Variants in CASD1 observed in about 807,000 individuals in gnomAD.
CASD1 encodes N-acetylneuraminate (7)9-O-acetyltransferase.
In CASD1, 41 loss-of-function variants were observed where a neutral mutation model predicts 100.0. The observed-to-expected ratio is 0.41, with a 90% CI of 0.32 to 0.53. CASD1 has a LOEUF of 0.53. Ranked by LOEUF, CASD1 falls within the 20% of genes least tolerant of loss-of-function variation. The pLI is 0.25. For synonymous variants in CASD1, 321 were observed against 315.6 expected, an observed-to-expected ratio of 1.02 and a Z score of -0.18; for missense variants, 774 against 948.7, an observed-to-expected ratio of 0.82 and a Z score of 2.42.
the CASD1 span, among the ~76,000 whole-genome samples, chr7:94,571,634 A>G: frequency 6.6e-6 from 1 of 152,146 alleles, no homozygotes; most frequent in African/African-American, 2.4e-5. Flanking sequence ...AGAACTCACA[A>G]ATGGTAAACT....
At chr7:94,585,662 T>C in the CASD1 span, 7 of 647,330 alleles carry the variant, frequency 1.1e-5, no homozygotes, top group East Asian at 1.0e-4. Context: ...TCTCTGTATT[T>C]GGTTTTTTTA....
At chr7:94,547,037 T>C in intron 12 of CASD1, 59 bp from the exon 13 acceptor site, 1 of 1,063,536 alleles carries the variant, frequency 9.4e-7, no homozygotes, top group Non-Finnish European at 1.4e-6. Flanking sequence ...ATAGAGAGTA[T>C]TTAATATGTT....
chr7:94,579,231 A>C, the CASD1 span, among the ~76,000 whole-genome samples: 1 of 151,924 alleles, frequency 6.6e-6, no homozygotes, highest in African/African-American at 2.4e-5. Context: ...AAAAAAAAAA[A>C]AAAGGAAAGG....
At chr7:94,630,290 T>C in the CASD1 span, among the ~76,000 whole-genome samples, 2 of 151,890 alleles carry the variant, frequency 1.3e-5, no homozygotes, top group Non-Finnish European at 2.9e-5. Context: ...ATCCATACTA[T>C]ACTAATTGTT....
At position 94,537,667 on chromosome 7, in the gene CASD1, T is replaced by C; in HGVS notation, c.1039T>C (p.Leu347=). 1 of 1,613,786 alleles carries C rather than the reference T, an allele frequency of 6.2e-7. No individual in the cohort carries two copies. Among genetic ancestry groups the C allele is most frequent in the African/African-American group, 1.3e-5 (1 of 75,034 alleles). The change falls in exon 9 of 18, where the codon TTG becomes CTG. Residue 347 remains leucine (L), a synonymous_variant. Transcript: ENST00000297273. ...TCGGAAGAATAAGCCGTGTACTGAT[T>C]TGGAAAGTGGAGAGGAAAAGAAAAA... ...AHRKNKPCTD[L]ESGEEKKNII...
the CASD1 span, among the ~76,000 whole-genome samples, chr7:94,615,184 C>T: frequency 6.6e-6 from 1 of 150,836 alleles, no homozygotes. Context: ...CATGGTGAAA[C>T]CCCATCTCTA....
At chr7:94,557,658 C>G (rs1419662042), downstream of CASD1, among the ~76,000 whole-genome samples, 1 of 152,000 alleles carries the variant, frequency 6.6e-6, no homozygotes, top group Non-Finnish European at 1.5e-5. Context: ...ATGCTTTTCT[C>G]TCCTATTTGA....
the CASD1 span, among the ~76,000 whole-genome samples, chr7:94,601,443 CAAAAAAAAA>C: frequency 1.4e-3 from 127 of 89,314 alleles, no homozygotes; most frequent in African/African-American, 1.8e-3. Context: ...ATCCCAGTAT[CAAAAAAAAA>C]AAAAAAAAAA....
At chr7:94,599,056 T>C in the CASD1 span, 1 of 916,288 alleles carries the variant, frequency 1.1e-6, no homozygotes, top group Non-Finnish European at 1.7e-6. Context: ...TATTTTTATC[T>C]TTTAAAATAA....
At chr7:94,611,498 G>C in the CASD1 span, among the ~76,000 whole-genome samples, 1 of 151,748 alleles carries the variant, frequency 6.6e-6, no homozygotes, top group Admixed American at 6.6e-5. Context: ...GGTGGGGGTG[G>C]GGGTGACTTC....
At chr7:94,566,398 T>G in the CASD1 span, among the ~76,000 whole-genome samples, 1 of 151,954 alleles carries the variant, frequency 6.6e-6, no homozygotes, top group Non-Finnish European at 1.5e-5. Flanking sequence ...GTGATTATAA[T>G]ACTTATAAAA....
chr7:94,612,167 T>A, the CASD1 span, among the ~76,000 whole-genome samples: 1 of 152,206 alleles, frequency 6.6e-6, no homozygotes, highest in Non-Finnish European at 1.5e-5. Flanking sequence ...AGACAAGACA[T>A]TGATTTGTAT....
chr7:94,544,343 A>G (rs1247163457), intron 10 of CASD1, 68 bp from the exon 11 acceptor site: 3 of 1,550,994 alleles, frequency 1.9e-6, no homozygotes, highest in African/African-American at 2.8e-5. Context: ...TGTTAAATGT[A>G]CTTGTTATGA....
intron 13 of CASD1, among the ~76,000 whole-genome samples, chr7:94,548,534 A>C (rs2116400393): frequency 6.6e-6 from 1 of 151,774 alleles, no homozygotes; most frequent in East Asian, 1.9e-4. Context: ...TTTCTGACAC[A>C]TAGATTTTGA....
Position 94,551,238 on chromosome 7 carries a change from A to T in CASD1, c.1816-100A>T, listed in dbSNP as rs1300029993. ...AGACACTTCAAACTTTAAGCTTTTAACCTACCTACTTTTATTCATATATTC... is the reference window on the plus strand; with the variant it reads ...AGACACTTCAAACTTTAAGCTTTTATCCTACCTACTTTTATTCATATATTC... On this transcript the variant is annotated intron_variant, in intron 14 of 17. Coordinates refer to ENST00000297273, the MANE Select transcript of CASD1 (RefSeq NM_022900.5). 3.4e-5 allele frequency: 30 copies of T among 893,288 alleles called. No individual in the cohort carries two copies. The East Asian group carries it at 8.9e-4, about 27-fold the overall frequency. 55.3% of individuals were successfully genotyped at this position (893,288 alleles called of 1,614,324 possible).
the CASD1 span, chr7:94,625,280 T>C: frequency 2.0e-5 from 3 of 152,054 alleles, no homozygotes; most frequent in Non-Finnish European, 2.9e-5. Flanking sequence ...TAAAATACTA[T>C]ACCTGTTACT....
chr7:94,613,207 TC>T, the CASD1 span, among the ~76,000 whole-genome samples: 2 of 152,234 alleles, frequency 1.3e-5, no homozygotes, highest in African/African-American at 4.8e-5. Flanking sequence ...ATTTATGGCT[TC>T]TTTTGTAGAA....
intron 11 of CASD1, 125 bp downstream of exon 11, chr7:94,544,655 A>C (rs1795588944): frequency 1.1e-6 from 1 of 935,334 alleles, no homozygotes; most frequent in Non-Finnish European, 1.5e-6. Flanking sequence ...ATGAAATAGC[A>C]CTGTGAAGTT....
chr7:94,570,691 C>T, the CASD1 span, among the ~76,000 whole-genome samples: 6 of 152,082 alleles, frequency 3.9e-5, no homozygotes, highest in African/African-American at 1.2e-4. Flanking sequence ...GACCGGGTTT[C>T]ACCATGTTGG....
Sources: allele counts gnomAD v4.1 joint callset (sites outside exome capture counted in the v4.1 genomes callset), GRCh38; gene constraint gnomAD v4.1.1; transcripts MANE v1.5; gene names NCBI Gene and HGNC (gene_info 2026-07-23, HGNC 2026-07-21).